Variants in CLIP2 observed in about 807,000 individuals in gnomAD.
CLIP2 encodes the protein CAP-Gly domain containing linker protein 2, also known as CAP-Gly domain-containing linker protein 2.
CLIP2 carries 41 observed loss-of-function variants against 111.7 expected under a neutral mutation model. That is an observed-to-expected ratio of 0.37 (90% CI 0.29 to 0.48). The LOEUF (loss-of-function observed/expected upper bound fraction) is 0.48, where lower values mean the gene tolerates loss of function less well. CLIP2 is among the 20% of genes least tolerant of loss of function. The probability of loss-of-function intolerance (pLI) is 0.99; values close to 1 mark genes in which losing one functional copy is unlikely to be tolerated. For synonymous variants in CLIP2, 660 were observed against 644.2 expected, an observed-to-expected ratio of 1.02 and a Z score of -0.37; for missense variants, 1,160 against 1,422.1, an observed-to-expected ratio of 0.82 and a Z score of 2.96.
chr7:74,291,439 A>G (rs1788015114), intron 1 of CLIP2, among the ~76,000 whole-genome samples: 1 of 152,332 alleles, frequency 6.6e-6, no homozygotes, highest in East Asian at 1.9e-4. Context: ...GCTGGAGCTT[A>G]ACAGCCCGGG....
chr7:74,322,286 C>T (rs1268073622), intron 2 of CLIP2, among the ~76,000 whole-genome samples: 12 of 149,066 alleles, frequency 8.1e-5, no homozygotes, highest in Non-Finnish European at 1.2e-4. Flanking sequence ...CCACTGTGAC[C>T]GGCCTCCATT....
chr7:74,299,962 G>T (rs1554726555), intron 1 of CLIP2, among the ~76,000 whole-genome samples: 1 of 151,956 alleles, frequency 6.6e-6, no homozygotes, highest in Non-Finnish European at 1.5e-5. Context: ...CTCCCAAAGT[G>T]CTGGGATTGC....
chr7:74,394,392 A>T (rs1271294116), intron 13 of CLIP2, among the ~76,000 whole-genome samples: 2 of 151,778 alleles, frequency 1.3e-5, no homozygotes, highest in African/African-American at 4.8e-5. Context: ...CTGGGATTAC[A>T]GGCATGCGCC....
intron 11 of CLIP2, among the ~76,000 whole-genome samples, chr7:74,383,879 C>T (rs1382440793): frequency 6.6e-6 from 1 of 152,136 alleles, no homozygotes; most frequent in Non-Finnish European, 1.5e-5. Context: ...AACCCATACC[C>T]ACTAGCAGTG....
At chr7:74,398,445 C>T (rs1791521235) in intron 14 of CLIP2, among the ~76,000 whole-genome samples, 1 of 152,340 alleles carries the variant, frequency 6.6e-6, no homozygotes, top group South Asian at 2.1e-4. Context: ...TGGTGAACGT[C>T]ACGATATGGA....
chr7:74,335,985 G>T (rs1480313012), intron 2 of CLIP2, among the ~76,000 whole-genome samples: 1 of 128,972 alleles, frequency 7.8e-6, no homozygotes, highest in African/African-American at 2.7e-5. Flanking sequence ...CTCGTGATCC[G>T]CCCGCCTCGG....
chr7:74,389,481 G>A, intron 13 of CLIP2: 1 of 424,664 alleles, frequency 2.4e-6, no homozygotes, highest in South Asian at 4.7e-5. Context: ...GTAGGGCCAG[G>A]CACAGTGGCT....
intron 2 of CLIP2, among the ~76,000 whole-genome samples, chr7:74,333,016 T>C: frequency 6.6e-6 from 1 of 152,144 alleles, no homozygotes; most frequent in East Asian, 1.9e-4. Context: ...CTGGGCGCCC[T>C]TTTTATCCCC....
intron 4 of CLIP2, among the ~76,000 whole-genome samples, chr7:74,355,091 G>A (rs1458196156): frequency 1.3e-5 from 2 of 152,204 alleles, no homozygotes; most frequent in East Asian, 3.8e-4. Flanking sequence ...TGCAGTCCCT[G>A]TACTGGAGTC....
Position 74,375,919 on chromosome 7 carries a change from G to A in CLIP2, c.1518G>A (p.Leu506=). 1.9e-6 allele frequency: 3 copies of A among 1,588,358 alleles called. No individual in the cohort carries two copies. Among genetic ancestry groups the A allele is most frequent in the South Asian group, 1.1e-5 (1 of 87,674 alleles). ...LTTVAEKSRV[L]QLEEELTLRR... is the part of the protein sequence containing the mutation. ...CAGTGGCCGAGAAGTCGCGCGTGCT[G>A]CAGCTGGAGGAGGAGCTCACCCTGC... is the stretch of plus-strand genomic sequence containing the variant. Residue 506 remains leucine (L), a synonymous_variant, in exon 10 of 17, where the codon CTG becomes CTA. Coordinates refer to ENST00000223398, the MANE Select transcript of CLIP2 (RefSeq NM_003388.5).
At chr7:74,317,195 G>A (rs911797442) in intron 1 of CLIP2, among the ~76,000 whole-genome samples, 1 of 152,184 alleles carries the variant, frequency 6.6e-6, no homozygotes. Context: ...TGACGGCCTG[G>A]TGTGGAGTTG....
chr7:74,338,400 G>T lies in CLIP2; in HGVS notation c.122-48G>T, dbSNP rs1554732533. ...TCTGTGCTCCTGGGGCCACCCAGGG[G>T]CCAGCCCTAACAGCCACCTCTTTCC... is the stretch of plus-strand genomic sequence containing the variant. On this transcript the variant is annotated intron_variant, in intron 2 of 16. Transcript: ENST00000223398. The surrounding 1 kb of genome is among the most constrained non-coding windows in gnomAD (Gnocchi z 4.3). 1 of 1,587,074 alleles carries T rather than the reference G, an allele frequency of 6.3e-7. No individual in the cohort carries two copies. The highest frequency in any genetic ancestry group is 1.1e-5 in the South Asian group (1 of 87,324).
At position 74,380,807 on chromosome 7, in the gene CLIP2, T is replaced by C; in HGVS notation, c.2423T>C (p.Met808Thr). 1 of 1,606,114 alleles carries C rather than the reference T, an allele frequency of 6.2e-7. No individual in the cohort carries two copies. Among genetic ancestry groups the C allele is most frequent in the Non-Finnish European group, 8.5e-7 (1 of 1,174,498 alleles). Residue 808 changes from methionine to threonine, a missense_variant and splice_region_variant, in exon 11 of 17, where the codon ATG (methionine) becomes ACG (threonine). By Grantham distance (81) the Met-to-Thr change is moderately conservative. Around this residue, in one of 5 missense-constraint regions of CLIP2, gnomAD observed 676 missense variants for 777.8 expected, o/e 0.87. Coordinates refer to ENST00000223398, the MANE Select transcript of CLIP2 (RefSeq NM_003388.5). The stretch of plus-strand genomic sequence containing the variant: ...CCCTTACAGGGGCTCTTTTTGCAGA[T>C]GATTGAGTCGAATGACATTTCAGAG... ...EALCSSQHTH[M>T]IESNDISEET...
At chr7:74,346,736 A>T (rs1299823910) in intron 3 of CLIP2, among the ~76,000 whole-genome samples, 1 of 62,000 alleles carries the variant, frequency 1.6e-5, no homozygotes, top group East Asian at 6.7e-4. Flanking sequence ...AAAAAAAAAA[A>T]AAAAAACAAA....
rs1188828800 is a variant in CLIP2 at position 74,307,825 on chromosome 7, G to C, written c.-67-9655G>C. Among the ~76,000 whole-genome samples, 5 of 152,084 alleles carry C rather than the reference G, an allele frequency of 3.3e-5. No homozygotes were observed. In the East Asian group the frequency reaches 7.7e-4, roughly 23 times the overall value. ...TCTTCATACTGGAGGCTGCTGGGGG[G>C]TGGTTCAGGAGGGCTGGAGGTTAAT... is the stretch of plus-strand genomic sequence containing the variant. On this transcript the variant is annotated intron_variant, in intron 1 of 16. Coordinates refer to ENST00000223398, the MANE Select transcript of CLIP2 (RefSeq NM_003388.5).
At position 74,364,992 on chromosome 7, in the gene CLIP2, GTTGTGTGTGTGT is replaced by G. The variant is rs1254164837; in HGVS notation, c.1380+678_1380+689del. On this transcript the variant is annotated intron_variant, in intron 8 of 16. Coordinates refer to ENST00000223398, the MANE Select transcript of CLIP2 (RefSeq NM_003388.5). ...TGAGCTATGATTGCGCCTGTTTTTTGTTGTGTGTGTGTGTGTGTGTGTGTGTGTGTGTGTGTG... is the reference window on the plus strand; with the variant it reads ...TGAGCTATGATTGCGCCTGTTTTTTGGTGTGTGTGTGTGTGTGTGTGTGTG... 3 of 307,684 alleles carry G rather than the reference GTTGTGTGTGTGT, an allele frequency of 9.8e-6. No homozygotes were observed. The East Asian group carries it at 2.9e-4, about 30-fold the overall frequency. 19.1% of individuals were successfully genotyped at this position (307,684 alleles called of 1,614,324 possible).
chr7:74,357,369 G>A lies in CLIP2; in HGVS notation c.1107G>A (p.Glu369=), dbSNP rs782606644. The change falls in exon 6 of 17, where the codon GAG becomes GAA. Residue 369 remains glutamate, a synonymous_variant. Coordinates refer to ENST00000223398, the MANE Select transcript of CLIP2 (RefSeq NM_003388.5). The stretch of plus-strand genomic sequence containing the variant: ...TGAAGGAGAAGCAGCAGCACATTGA[G>A]CAGCTGCTGGCTGAACGAGACCTGG... ...EALKEKQQHI[E]QLLAERDLER... 1.2e-6 allele frequency: 2 copies of A among 1,614,102 alleles called. No homozygotes were observed. Among genetic ancestry groups the A allele is most frequent in the Admixed American group, 1.7e-5 (1 of 60,006 alleles).
At chr7:74,302,495 G>T (rs1220199920) in intron 1 of CLIP2, among the ~76,000 whole-genome samples, 2 of 152,080 alleles carry the variant, frequency 1.3e-5, no homozygotes, top group African/African-American at 2.4e-5. Flanking sequence ...GCCAGAAGAT[G>T]CCTCCTCTAA....
At chr7:74,370,527 T>TA (rs1263471872) in intron 8 of CLIP2, among the ~76,000 whole-genome samples, 1 of 151,120 alleles carries the variant, frequency 6.6e-6, no homozygotes, top group Non-Finnish European at 1.5e-5. Context: ...CTCACACATC[T>TA]AGCACTGAGA....
Sources: allele counts gnomAD v4.1 joint callset (sites outside exome capture counted in the v4.1 genomes callset), GRCh38; gene constraint gnomAD v4.1.1; regional missense constraint gnomAD v4.1.1; non-coding constraint Gnocchi (gnomAD v3.1); transcripts MANE v1.5; gene names NCBI Gene and HGNC (gene_info 2026-07-23, HGNC 2026-07-21).